Variants in SDCBP observed in about 807,000 individuals in gnomAD.
SDCBP encodes the protein syndecan binding protein, also known as syntenin-1.
In SDCBP, 22 loss-of-function variants were observed where a neutral mutation model predicts 30.5. That is an observed-to-expected ratio of 0.72 (90% confidence interval 0.52 to 1.03). The LOEUF is 1.03. Ranked by LOEUF, SDCBP falls within the 50% of genes least tolerant of loss-of-function variation. The pLI, the probability that SDCBP is intolerant of heterozygous loss-of-function variation, is 0.00. For missense variants in SDCBP, 304 were observed against 369.9 expected (o/e 0.82, Z 1.46); for synonymous variants, 103 against 118.7 (o/e 0.87, Z 0.86).
At chr8:58,558,910 A>G (rs1804291942) in intron 1 of SDCBP, among the ~76,000 whole-genome samples, 1 of 152,228 alleles carries the variant, frequency 6.6e-6, no homozygotes, top group Admixed American at 6.5e-5. Flanking sequence ...GTTTGCAGCT[A>G]CAACATTTTA....
At position 58,563,363 on chromosome 8, in the gene SDCBP, A is replaced by G. The variant is rs554181886; in HGVS notation, c.-15-1656A>G. Among the ~76,000 whole-genome samples, 275 of 152,332 alleles carry G rather than the reference A, an allele frequency of 1.8e-3. 2 individuals are homozygous for G. Among genetic ancestry groups the G allele is most frequent in the African/African-American group, 6.3e-3 (262 of 41,566 alleles). On this transcript the variant is annotated intron_variant, in intron 1 of 8. Transcript: ENST00000260130. ...CATATTCTAAGATTCTAGATTAAGTATCCAGAGCAGGTAAAAACAGAGGCG... is the reference window on the plus strand; with the variant it reads ...CATATTCTAAGATTCTAGATTAAGTGTCCAGAGCAGGTAAAAACAGAGGCG...
intron 8 of SDCBP, among the ~76,000 whole-genome samples, chr8:58,581,370 A>G (rs1001895226): frequency 1.3e-5 from 2 of 152,120 alleles, no homozygotes; most frequent in Admixed American, 6.5e-5. Context: ...TCACTGATGG[A>G]TCCCTCTACC....
chr8:58,565,047 C>A lies in SDCBP; in HGVS notation c.14C>A (p.Pro5Gln). The change falls in exon 2 of 9, where the codon CCA becomes CAA. Residue 5 changes from proline to glutamine, a missense_variant. Coordinates refer to ENST00000260130, the MANE Select transcript of SDCBP (RefSeq NM_005625.4). The part of the protein sequence containing the change: MSLY[P>Q]SLEDLKVDKV... The stretch of plus-strand genomic sequence containing the variant: ...AATCCTGCAAAAATGTCTCTCTATC[C>A]ATCTCTCGAAGACTTGAAGGTAGAC... The A allele has an allele frequency of 6.3e-7, 1 of 1,589,778 alleles. No individual in the cohort carries two copies. Among genetic ancestry groups the A allele is most frequent in the African/African-American group, 1.4e-5 (1 of 73,824 alleles).
At chr8:58,555,149 T>C (rs550815902) in intron 1 of SDCBP, among the ~76,000 whole-genome samples, 1 of 152,366 alleles carries the variant, frequency 6.6e-6, no homozygotes, top group East Asian at 1.9e-4. Flanking sequence ...TATATAGCTT[T>C]CAAGTCTTTT....
At chr8:58,571,283 C>A (rs1241012468) in intron 3 of SDCBP, among the ~76,000 whole-genome samples, 2 of 152,090 alleles carry the variant, frequency 1.3e-5, no homozygotes, top group African/African-American at 4.8e-5. Context: ...TATATGAATT[C>A]ACATTTAAGA....
intron 1 of SDCBP, chr8:58,561,707 A>T (rs535205474): frequency 1.3e-4 from 84 of 662,042 alleles, no homozygotes; most frequent in Non-Finnish European, 2.0e-4. Flanking sequence ...AGTCTGTTAA[A>T]TGGAAACAAA....
chr8:58,582,833 T>TAA lies in SDCBP; in HGVS notation c.*1095_*1096dup, dbSNP rs1280533956. On this transcript the variant is annotated 3_prime_UTR_variant, in exon 9 of 9. Transcript: ENST00000260130. ...TATGTCTATTCTAATTAAATATGTA[T>TAA]AAATAAAGTTACATTTTAGTCTGTC... 6.6e-6 allele frequency: 1 copy of TAA among 152,596 alleles called. No individual in the cohort carries two copies. The highest frequency in any genetic ancestry group is 2.4e-5 in the African/African-American group (1 of 41,454). 9.5% of individuals were successfully genotyped at this position (152,596 alleles called of 1,614,324 possible).
intron 4 of SDCBP, among the ~76,000 whole-genome samples, chr8:58,573,218 C>G (rs1045710086): frequency 1.3e-5 from 2 of 152,084 alleles, no homozygotes; most frequent in African/African-American, 2.4e-5. Context: ...AAGGTTATTG[C>G]TATGACCATA....
At chr8:58,562,806 G>A (rs1804508122) in intron 1 of SDCBP, among the ~76,000 whole-genome samples, 1 of 152,104 alleles carries the variant, frequency 6.6e-6, no homozygotes, top group Non-Finnish European at 1.5e-5. Flanking sequence ...TAAAGCATAA[G>A]CAACCAAGAA....
intron 2 of SDCBP, among the ~76,000 whole-genome samples, chr8:58,568,234 T>C (rs1411324520): frequency 6.6e-6 from 1 of 152,212 alleles, no homozygotes; most frequent in African/African-American, 2.4e-5. Flanking sequence ...TCCTATTTTT[T>C]AAATTTTTAG....
At chr8:58,561,192 A>G (rs1000146784) in intron 1 of SDCBP, 3 of 152,058 alleles carry the variant, frequency 2.0e-5, no homozygotes, top group Admixed American at 6.6e-5. Flanking sequence ...AAGCAAAAAG[A>G]AAAAAAATAA....
At chr8:58,563,864 TCTCC>T (rs1356825031) in intron 1 of SDCBP, among the ~76,000 whole-genome samples, 2 of 152,158 alleles carry the variant, frequency 1.3e-5, no homozygotes, top group African/African-American at 2.4e-5. Context: ...TGGAACTTAT[TCTCC>T]CTCTGGCATT....
intron 1 of SDCBP, among the ~76,000 whole-genome samples, chr8:58,564,212 A>G (rs1454586384): frequency 6.6e-6 from 1 of 152,216 alleles, no homozygotes; most frequent in Non-Finnish European, 1.5e-5. Context: ...GGGAGGTAAT[A>G]AATTGATACC....
chr8:58,565,195 C>T, intron 2 of SDCBP, 111 bp downstream of exon 2: 1 of 459,654 alleles, frequency 2.2e-6, no homozygotes, highest in Non-Finnish European at 3.9e-6. Flanking sequence ...CATTTTTACA[C>T]TTCATAAACC....
At chr8:58,555,237 G>A (rs1417350651) in intron 1 of SDCBP, among the ~76,000 whole-genome samples, 1 of 152,066 alleles carries the variant, frequency 6.6e-6, no homozygotes, top group Non-Finnish European at 1.5e-5. Flanking sequence ...TTACACTTCA[G>A]GTTTTGAGAC....
chr8:58,560,456 C>T (rs548087604), intron 1 of SDCBP: 1 of 152,118 alleles, frequency 6.6e-6, no homozygotes, highest in Non-Finnish European at 1.5e-5. Flanking sequence ...AGAGCTACCC[C>T]CAAGGGACTG....
At chr8:58,564,866 G>T in intron 1 of SDCBP, 153 bp from the exon 2 acceptor site, 1 of 453,542 alleles carries the variant, frequency 2.2e-6, no homozygotes. Context: ...CTTTTAGTAT[G>T]GCCTATATAT....
chr8:58,562,248 A>G (rs1399397974), intron 1 of SDCBP, among the ~76,000 whole-genome samples: 2 of 152,092 alleles, frequency 1.3e-5, no homozygotes, highest in Admixed American at 1.3e-4. Context: ...TGAATGGATT[A>G]AAAAAATAAA....
rs1805722231 is a variant in SDCBP, at chr8:58,582,131, T to C, written c.*391T>C. ...ATATTACTTTAGTTCTATAGCATAC[T>C]TGCATCTTTAACATGCTATCATAGT... On this transcript the variant is annotated 3_prime_UTR_variant, in exon 9 of 9. Transcript: ENST00000260130. 5.9e-6 allele frequency: 1 copy of C among 169,600 alleles called. No homozygotes were observed. The highest frequency in any genetic ancestry group is 1.7e-4 in the East Asian group (1 of 5,774). The allele number at this position is 169,600 out of a possible 1,614,324, so 10.5% of individuals were successfully genotyped here. A position where few individuals can be genotyped will look rare whatever the true frequency, so the allele number is the denominator to read the frequency against.
Sources: gnomAD v4.1 joint callset for allele counts (sites outside exome capture counted in the v4.1 genomes callset) on GRCh38, gnomAD v4.1.1 for gene constraint, MANE v1.5 for transcripts, NCBI Gene and HGNC (gene_info 2026-07-23, HGNC 2026-07-21) for gene names.